Variants in MALT1 observed in about 807,000 individuals in gnomAD.
The protein encoded by MALT1 is mucosa-associated lymphoid tissue lymphoma translocation protein 1.
A neutral mutation model predicts 85.5 loss-of-function variants in MALT1; 36 were observed. That is an observed-to-expected ratio of 0.42 (90% confidence interval 0.32 to 0.56). MALT1 has a LOEUF of 0.56. Ranked by LOEUF, MALT1 falls within the 20% of genes least tolerant of loss-of-function variation. The pLI is 0.10. For missense variants in MALT1, 716 were observed against 981.6 expected (o/e 0.73, Z 3.62); for synonymous variants, 359 against 361.3 (o/e 0.99, Z 0.07).
At chr18:58,718,776 A>G (rs1000021443) in intron 9 of MALT1, among the ~76,000 whole-genome samples, 3 of 152,246 alleles carry the variant, frequency 2.0e-5, no homozygotes, top group Non-Finnish European at 4.4e-5. Context: ...TAAAGAATCT[A>G]GAAATTGTTC....
At chr18:58,713,124 A>T (rs976805097) in intron 7 of MALT1, among the ~76,000 whole-genome samples, 1 of 152,172 alleles carries the variant, frequency 6.6e-6, no homozygotes, top group East Asian at 1.9e-4. Context: ...CACATAACAC[A>T]TGTGCTGACT....
intron 2 of MALT1, among the ~76,000 whole-genome samples, chr18:58,695,638 G>A (rs1487062296): frequency 6.6e-6 from 1 of 152,142 alleles, no homozygotes; most frequent in African/African-American, 2.4e-5. Flanking sequence ...AATTTTTAAA[G>A]AACAGACATT....
chr18:58,688,593 G>A (rs1602284661), intron 2 of MALT1, among the ~76,000 whole-genome samples: 2 of 145,822 alleles, frequency 1.4e-5, no homozygotes, highest in South Asian at 2.2e-4. Context: ...TTAGTCTTGT[G>A]TCCCATACAA....
intron 13 of MALT1, among the ~76,000 whole-genome samples, chr18:58,740,335 T>C (rs1422729928): frequency 6.6e-6 from 1 of 152,178 alleles, no homozygotes; most frequent in Non-Finnish European, 1.5e-5. Flanking sequence ...ATCATTAACT[T>C]CTGCTGTTTA....
intron 9 of MALT1, among the ~76,000 whole-genome samples, chr18:58,721,816 A>G (rs1172143982): frequency 6.6e-6 from 1 of 152,248 alleles, no homozygotes; most frequent in Non-Finnish European, 1.5e-5. Flanking sequence ...TAAGAGTAGT[A>G]TTCATAATAA....
chr18:58,723,004 T>C, intron 9 of MALT1, 44 bp from the exon 10 acceptor site: 1 of 1,422,124 alleles, frequency 7.0e-7, no homozygotes, highest in Non-Finnish European at 9.8e-7. Context: ...TTTGTTTTAA[T>C]CTTTATATCT....
intron 8 of MALT1, among the ~76,000 whole-genome samples, chr18:58,715,237 T>C (rs763300411): frequency 3.9e-5 from 6 of 152,320 alleles, no homozygotes; most frequent in Non-Finnish European, 5.9e-5. Context: ...TGAAAAGTTA[T>C]TTCAGAAAAA....
chr18:58,720,391 C>T (rs934888287), intron 9 of MALT1, among the ~76,000 whole-genome samples: 2 of 152,180 alleles, frequency 1.3e-5, no homozygotes, highest in Admixed American at 6.5e-5. Context: ...TCACCTGTCA[C>T]CCAGGAACTG....
In MALT1 at chr18:58,749,922, G is replaced by A. The variant is rs1387035380; in HGVS notation, c.*2080G>A. ...GGAAGAAGGACAAGGATGTTCACTCGGCACTACTTCTATTCAGCATTGTAC... is the reference window on the plus strand; with the variant it reads ...GGAAGAAGGACAAGGATGTTCACTCAGCACTACTTCTATTCAGCATTGTAC... On this transcript the variant is annotated 3_prime_UTR_variant, in exon 17 of 17. Transcript: ENST00000649217. 5.7e-5 allele frequency: 12 copies of A among 210,256 alleles called. No homozygotes were observed. Among genetic ancestry groups the A allele is most frequent in the Admixed American group, 2.9e-4 (5 of 16,966 alleles). The allele number at this position is 210,256 out of a possible 1,614,324, so 13.0% of individuals were successfully genotyped here.
chr18:58,718,293 A>G (rs1272621648), intron 9 of MALT1, among the ~76,000 whole-genome samples: 4 of 152,214 alleles, frequency 2.6e-5, no homozygotes, highest in South Asian at 2.1e-4. Flanking sequence ...GTCAACTTCT[A>G]TCATTGAAGT....
At chr18:58,686,561 AT>A (rs1451637719) in intron 2 of MALT1, among the ~76,000 whole-genome samples, 2 of 152,148 alleles carry the variant, frequency 1.3e-5, no homozygotes, top group East Asian at 3.9e-4. Flanking sequence ...CAATATTGCC[AT>A]TTTATTTCAC....
At chr18:58,733,990 C>T in intron 11 of MALT1, 1 of 1,171,014 alleles carries the variant, frequency 8.5e-7, no homozygotes, top group Non-Finnish European at 1.1e-6. Flanking sequence ...GGTTTGGATC[C>T]CATTTGTCTG....
chr18:58,697,326 G>A (rs1436804965), intron 3 of MALT1: 2 of 152,166 alleles, frequency 1.3e-5, no homozygotes, highest in Non-Finnish European at 2.9e-5. Flanking sequence ...TCATACTGTA[G>A]GTGAATTCTG....
At chr18:58,717,746 CAAAAAAA>C (rs35207196) in intron 9 of MALT1, among the ~76,000 whole-genome samples, 1 of 100,558 alleles carries the variant, frequency 9.9e-6, no homozygotes, top group South Asian at 3.3e-4. Flanking sequence ...ACTCTTGTCT[CAAAAAAA>C]AAAAAAAAAA....
chr18:58,690,779 G>A (rs56709204), intron 2 of MALT1: 34,171 of 207,182 alleles, frequency 0.16, 3,306 homozygotes, highest in African/African-American at 0.27. Context: ...GCTTACCGAG[G>A]CCAAGTTAAT....
At chr18:58,713,179 T>C (rs1486705574) in intron 7 of MALT1, among the ~76,000 whole-genome samples, 1 of 152,172 alleles carries the variant, frequency 6.6e-6, no homozygotes. Context: ...AGAATAAAGT[T>C]TCTACATTAA....
At chr18:58,716,255 A>G (rs2054898679) in intron 9 of MALT1, among the ~76,000 whole-genome samples, 1 of 152,244 alleles carries the variant, frequency 6.6e-6, no homozygotes, top group Non-Finnish European at 1.5e-5. Context: ...CATAGTTAGC[A>G]TAGAGGAGGA....
At position 58,694,078 on chromosome 18, in the gene MALT1, G is replaced by A. The variant is rs141198049; in HGVS notation, c.377-2288G>A. Among the ~76,000 whole-genome samples the A allele has an allele frequency of 5.1e-4, 77 of 152,272 alleles. 1 individual carries two copies. Among genetic ancestry groups the A allele is most frequent in the African/African-American group, 1.7e-3 (70 of 41,552 alleles). On this transcript the variant is annotated intron_variant, in intron 2 of 16. Coordinates refer to ENST00000649217, the MANE Select transcript of MALT1 (RefSeq NM_006785.4). Reference sequence around the variant, plus strand: ...CATTTTCCACCTTTCCTACCAACATGTATCACAGATTTCAGAAAAATTCTG... The same window carrying A: ...CATTTTCCACCTTTCCTACCAACATATATCACAGATTTCAGAAAAATTCTG...
rs183555226 is a variant in MALT1, at chr18:58,696,048, T to C, written c.377-318T>C. ...GCATCTGTTATAAGGTGCATCCTGA[T>C]TTCAGAAGTGTTAGAATATGGGGGA... On this transcript the variant is annotated intron_variant, in intron 2 of 16. Transcript: ENST00000649217. 6.1e-3 allele frequency among the ~76,000 whole-genome samples: 934 copies of C among 152,330 alleles called. 10 individuals are homozygous for C. The highest frequency in any genetic ancestry group is 0.021 in the African/African-American group (878 of 41,566).
Sources: allele counts gnomAD v4.1 joint callset (sites outside exome capture counted in the v4.1 genomes callset), GRCh38; gene constraint gnomAD v4.1.1; transcripts MANE v1.5; gene names NCBI Gene and HGNC (gene_info 2026-07-23, HGNC 2026-07-21).